Variants in SLC12A2 observed in about 807,000 individuals in gnomAD.
The protein encoded by SLC12A2 is solute carrier family 12 member 2.
In SLC12A2, 67 loss-of-function variants were observed where a neutral mutation model predicts 136.3. The observed-to-expected ratio is 0.49, with a 90% CI of 0.40 to 0.60. The LOEUF (loss-of-function observed/expected upper bound fraction) is 0.60, where lower values mean the gene tolerates loss of function less well. SLC12A2 is among the 20% of genes least tolerant of loss of function. SLC12A2 has a pLI of 0.00. For missense variants in SLC12A2, 1,322 were observed against 1,534.7 expected (o/e 0.86, Z 2.32); for synonymous variants, 619 against 562.9 (o/e 1.10, Z -1.41).
chr5:128,163,825 A>AC (rs1481555140), intron 17 of SLC12A2, among the ~76,000 whole-genome samples: 1 of 152,186 alleles, frequency 6.6e-6, no homozygotes, highest in East Asian at 1.9e-4. Flanking sequence ...TGCAAAGAGA[A>AC]CATGAAGATA....
intron 4 of SLC12A2, among the ~76,000 whole-genome samples, chr5:128,123,843 T>C (rs1761679447): frequency 6.6e-6 from 1 of 152,200 alleles, no homozygotes; most frequent in Non-Finnish European, 1.5e-5. Context: ...TGGAATGGTA[T>C]CTAAGAAACC....
chr5:128,126,727 G>A (rs1173617440), intron 4 of SLC12A2, among the ~76,000 whole-genome samples: 1 of 151,702 alleles, frequency 6.6e-6, no homozygotes, highest in African/African-American at 2.4e-5. Context: ...GAAGTGTTGA[G>A]AATAAACATC....
rs1483874436 is a variant in SLC12A2, at chr5:128,083,779, C to T, written c.-176C>T. 1.5e-5 allele frequency: 6 copies of T among 412,028 alleles called. No individual in the cohort carries two copies. The South Asian group carries it at 6.2e-4, about 43-fold the overall frequency. 25.5% of individuals were successfully genotyped at this position (412,028 alleles called of 1,614,324 possible). ...CCCGCGCCCGCCACACTCGCGCGCT[C>T]GCTCGGCTGCCGGTGGCCTCTGTGG... On this transcript the variant is annotated 5_prime_UTR_variant, in exon 1 of 27. Transcript: ENST00000262461.
intron 18 of SLC12A2, among the ~76,000 whole-genome samples, chr5:128,171,413 C>T (rs982495545): frequency 1.3e-5 from 2 of 152,072 alleles, no homozygotes; most frequent in African/African-American, 4.8e-5. Flanking sequence ...TGCTTTAAAC[C>T]GCTGCTGTAG....
intron 4 of SLC12A2, among the ~76,000 whole-genome samples, chr5:128,115,707 C>G (rs1761321107): frequency 6.6e-6 from 1 of 152,208 alleles, no homozygotes; most frequent in South Asian, 2.1e-4. Flanking sequence ...GAGAAAAGAT[C>G]TATTTCATCT....
chr5:128,118,872 A>G (rs890173505), intron 4 of SLC12A2, among the ~76,000 whole-genome samples: 3 of 152,160 alleles, frequency 2.0e-5, no homozygotes, highest in African/African-American at 7.2e-5. Flanking sequence ...GGAGAGAGGA[A>G]CTTTTTAAAT....
intron 4 of SLC12A2, among the ~76,000 whole-genome samples, chr5:128,120,748 C>A (rs1048843414): frequency 2.6e-5 from 4 of 151,976 alleles, no homozygotes; most frequent in Non-Finnish European, 5.9e-5. Flanking sequence ...TTAGGAGATA[C>A]ACCTAATGCT....
chr5:128,135,464 C>T (rs566914673), intron 6 of SLC12A2, among the ~76,000 whole-genome samples: 2 of 152,112 alleles, frequency 1.3e-5, no homozygotes, highest in East Asian at 1.9e-4. Context: ...AGAAATATGG[C>T]ATGATCTCAC....
At chr5:128,099,253 G>T (rs1387994500) in intron 1 of SLC12A2, among the ~76,000 whole-genome samples, 1 of 152,030 alleles carries the variant, frequency 6.6e-6, no homozygotes, top group Non-Finnish European at 1.5e-5. Flanking sequence ...CTACAAATCT[G>T]TACAGCATGT....
intron 17 of SLC12A2, 145 bp downstream of exon 17, chr5:128,161,945 C>G (rs1164222170): frequency 2.1e-6 from 1 of 479,028 alleles, no homozygotes; most frequent in African/African-American, 2.0e-5. Flanking sequence ...TACTTTGGCT[C>G]ACCTGGCTAG....
chr5:128,151,556 G>A (rs941266164), intron 14 of SLC12A2, among the ~76,000 whole-genome samples, 160 bp downstream of exon 14: 1 of 143,714 alleles, frequency 7.0e-6, no homozygotes, highest in Non-Finnish European at 1.5e-5. Context: ...AACTCCTAAA[G>A]TTTTTTTTTT....
At chr5:128,150,298 G>A (rs764291973) in intron 13 of SLC12A2, among the ~76,000 whole-genome samples, 200 bp downstream of exon 13, 4 of 151,542 alleles carry the variant, frequency 2.6e-5, no homozygotes, top group Non-Finnish European at 4.4e-5. Context: ...TATCTTCAAA[G>A]CATTTGATAG....
Position 128,161,554 on chromosome 5 carries a change from A to C in SLC12A2, c.2476-106A>C, listed in dbSNP as rs556626349. 13 of 573,028 alleles carry C rather than the reference A, an allele frequency of 2.3e-5. 1 individual carries two copies. In the Admixed American group the frequency reaches 5.2e-4, roughly 23 times the overall value. 35.5% of individuals were successfully genotyped at this position (573,028 alleles called of 1,614,324 possible). A position where few individuals can be genotyped will look rare whatever the true frequency, so the allele number is the denominator to read the frequency against. On this transcript the variant is annotated intron_variant, in intron 16 of 26. Coordinates refer to ENST00000262461, the MANE Select transcript of SLC12A2 (RefSeq NM_001046.3). ...ATGCTATTATTATACTTCTGACCCT[A>C]CATTTAGTCACCTGTTTCAAGCCAG...
intron 16 of SLC12A2, among the ~76,000 whole-genome samples, chr5:128,160,864 T>TGA (rs1012162720): frequency 2.7e-5 from 4 of 150,310 alleles, no homozygotes; most frequent in African/African-American, 9.8e-5. Context: ...TGTGTGTGTG[T>TGA]GTGAGAGTGC....
In SLC12A2 at chr5:128,184,460, T is replaced by C; in HGVS notation, c.3394T>C (p.Trp1132Arg). Residue 1132 changes from tryptophan to arginine, a missense_variant, in exon 25 of 27, where the codon TGG becomes CGG. By Grantham distance (101) the Trp-to-Arg change is moderately radical (BLOSUM62 -3). Coordinates refer to ENST00000262461, the MANE Select transcript of SLC12A2 (RefSeq NM_001046.3). ...IADKMKEDEP[W>R]RITDNELELY... The stretch of plus-strand genomic sequence containing the variant: ...AGATAAAATGAAAGAAGATGAACCA[T>C]GGCGAATAACAGATAATGAGCTTGA... 1.9e-6 allele frequency: 3 copies of C among 1,609,136 alleles called. No homozygotes were observed. The highest frequency in any genetic ancestry group is 1.7e-6 in the Non-Finnish European group (2 of 1,177,480).
chr5:128,098,051 A>T (rs2126648639), intron 1 of SLC12A2, among the ~76,000 whole-genome samples: 1 of 152,102 alleles, frequency 6.6e-6, no homozygotes, highest in East Asian at 1.9e-4. Flanking sequence ...GAAGTCAGCC[A>T]ACTGTGTAAG....
chr5:128,178,048 G>GGT (rs1047350133), intron 21 of SLC12A2, among the ~76,000 whole-genome samples: 7 of 152,120 alleles, frequency 4.6e-5, no homozygotes, highest in Non-Finnish European at 7.4e-5. Flanking sequence ...CTTAGACTAA[G>GGT]GTTTCACTGT....
intron 4 of SLC12A2, among the ~76,000 whole-genome samples, chr5:128,125,930 C>G (rs1406615659): frequency 6.6e-6 from 1 of 152,094 alleles, no homozygotes; most frequent in Non-Finnish European, 1.5e-5. Flanking sequence ...AAACAGCTAT[C>G]TGTTTCTTAT....
At chr5:128,154,070 A>AAC (rs66844082) in intron 15 of SLC12A2, among the ~76,000 whole-genome samples, 6,130 of 148,920 alleles carry the variant, frequency 0.041, 434 homozygotes, top group African/African-American at 0.14. Context: ...AAAAAAAACA[A>AAC]AAAAAAAAAA....
Sources: allele counts gnomAD v4.1 joint callset (sites outside exome capture counted in the v4.1 genomes callset), GRCh38; gene constraint gnomAD v4.1.1; transcripts MANE v1.5; gene names NCBI Gene and HGNC (gene_info 2026-07-23, HGNC 2026-07-21).